Variants in POC1B observed in about 807,000 individuals in gnomAD.
The protein encoded by POC1B is POC1 centriolar protein B, also known as POC1 centriolar protein homolog B.
POC1B carries 44 observed loss-of-function variants against 60.6 expected under a neutral mutation model. The observed-to-expected ratio is 0.73, with a 90% CI of 0.57 to 0.93. POC1B has a LOEUF of 0.93. Among genes scored for constraint, POC1B ranks in the 40% least tolerant of loss-of-function variants. The probability of loss-of-function intolerance (pLI) is 0.00; values close to 1 mark genes in which losing one functional copy is unlikely to be tolerated. For synonymous variants in POC1B, 180 were observed against 198.9 expected (o/e 0.90, Z 0.80); for missense variants, 555 against 572.3 (o/e 0.97, Z 0.31).
intron 10 of POC1B, among the ~76,000 whole-genome samples, chr12:89,447,031 G>A (rs1476570272): frequency 6.6e-6 from 1 of 152,156 alleles, no homozygotes. Flanking sequence ...AATAGTCATA[G>A]CACTTTGTAG....
chr12:89,472,726 G>A (rs184628728), intron 4 of POC1B: 1 of 154,414 alleles, frequency 6.5e-6, no homozygotes, highest in East Asian at 1.9e-4. Flanking sequence ...GGAATGGTGT[G>A]TTGAGAATTA....
At position 89,471,632 on chromosome 12, in the gene POC1B, A is replaced by G; in HGVS notation, c.658T>C (p.Leu220=). Residue 220 remains leucine (L), a synonymous_variant, in exon 6 of 12, where the codon TTA becomes CTA. Transcript: ENST00000313546. ...TTGTTACCTTGGTAATGCTGTAGTA[A>G]TTTGTTCACTCTTACATCCCAGACT... The part of the protein sequence containing the change: ...VKVWDVRVNK[L]LQHYQVHSGG... 1.2e-6 allele frequency: 2 copies of G among 1,610,594 alleles called. No individual in the cohort carries two copies. Among genetic ancestry groups the G allele is most frequent in the Non-Finnish European group, 1.7e-6 (2 of 1,177,874 alleles).
At chr12:89,488,768 T>G (rs9634199) in intron 4 of POC1B, among the ~76,000 whole-genome samples, 1 of 151,996 alleles carries the variant, frequency 6.6e-6, no homozygotes, top group Non-Finnish European at 1.5e-5. Flanking sequence ...ATTACGGGCA[T>G]GAGTCACTGC....
rs368871565 is a variant in POC1B, at chr12:89,441,940, C to T, written c.1114-16561G>A. On this transcript the variant is annotated intron_variant, in intron 10 of 11. Transcript: ENST00000313546. The stretch of plus-strand genomic sequence containing the variant: ...TATGACCTGATAGAGCTGAAAACCA[C>T]GGCACGAGAACCATGTGACGCACGC... Among the ~76,000 whole-genome samples the T allele has an allele frequency of 9.2e-5, 14 of 152,302 alleles. No individual in the cohort carries two copies. The South Asian group carries it at 1.0e-3, about 11-fold the overall frequency.
At chr12:89,498,066 A>G (rs1029885429) in intron 2 of POC1B, among the ~76,000 whole-genome samples, 1 of 152,210 alleles carries the variant, frequency 6.6e-6, no homozygotes, top group Non-Finnish European at 1.5e-5. Context: ...CCCATAGCAC[A>G]GTTAGCAGCT....
chr12:89,416,668 G>A (rs76062830), downstream of POC1B, among the ~76,000 whole-genome samples: 1,053 of 152,258 alleles, frequency 6.9e-3, 16 homozygotes, highest in African/African-American at 0.025. Context: ...GTTCATTGCT[G>A]CCATGGAGGA....
chr12:89,525,488 G>A (rs1871380547), intron 1 of POC1B: 6 of 1,318,276 alleles, frequency 4.6e-6, no homozygotes, highest in Non-Finnish European at 5.8e-6. Flanking sequence ...TGAAATGCAC[G>A]TTCCCGGGCC....
intron 2 of POC1B, chr12:89,520,711 G>A (rs1381243675): frequency 6.6e-6 from 1 of 152,096 alleles, no homozygotes; most frequent in Non-Finnish European, 1.5e-5. Flanking sequence ...CTTAAATTCA[G>A]ATTTTGCAAA....
intron 4 of POC1B, among the ~76,000 whole-genome samples, chr12:89,481,265 T>C (rs1354635191): frequency 6.6e-6 from 1 of 152,236 alleles, no homozygotes; most frequent in Non-Finnish European, 1.5e-5. Flanking sequence ...ACTAACTCCT[T>C]GGACAGAATT....
At chr12:89,410,734 C>T in the POC1B span, among the ~76,000 whole-genome samples, 19 of 151,774 alleles carry the variant, frequency 1.3e-4, no homozygotes, top group African/African-American at 4.3e-4. Flanking sequence ...CCTCTCTCAC[C>T]ACTCCTATTC....
At chr12:89,494,558 G>T (rs1334511237) in intron 3 of POC1B, among the ~76,000 whole-genome samples, 3 of 152,058 alleles carry the variant, frequency 2.0e-5, no homozygotes, top group Non-Finnish European at 4.4e-5. Context: ...TCTCATCCCT[G>T]TACACGCATG....
chr12:89,449,877 A>G (rs929228370), intron 10 of POC1B, among the ~76,000 whole-genome samples: 2 of 152,218 alleles, frequency 1.3e-5, no homozygotes, highest in African/African-American at 4.8e-5. Flanking sequence ...AAGAGACACA[A>G]GTTCATATGA....
chr12:89,428,082 T>C (rs1880849964), intron 10 of POC1B: 1 of 152,230 alleles, frequency 6.6e-6, no homozygotes, highest in Non-Finnish European at 1.5e-5. Flanking sequence ...CTCATGATCA[T>C]AGTCTACATT....
At chr12:89,421,648 C>T (rs1360169638) in intron 11 of POC1B, among the ~76,000 whole-genome samples, 1 of 152,098 alleles carries the variant, frequency 6.6e-6, no homozygotes, top group Non-Finnish European at 1.5e-5. Context: ...CAGCCAGATG[C>T]CACTGAAATG....
intron 4 of POC1B, among the ~76,000 whole-genome samples, chr12:89,486,837 T>C (rs1868657603): frequency 6.6e-6 from 1 of 152,088 alleles, no homozygotes; most frequent in Non-Finnish European, 1.5e-5. Context: ...AAAGCATCTT[T>C]TTTAGGATAA....
At chr12:89,497,061 T>C (rs1869285734) in intron 3 of POC1B, 110 bp downstream of exon 3, 4 of 1,133,206 alleles carry the variant, frequency 3.5e-6, no homozygotes, top group East Asian at 2.4e-5. Flanking sequence ...ATGCCTTTTA[T>C]GTGACTGAGA....
chr12:89,507,266 CAAAAAAA>C (rs34750133), intron 2 of POC1B, among the ~76,000 whole-genome samples: 7 of 64,054 alleles, frequency 1.1e-4, no homozygotes, highest in African/African-American at 4.3e-4. Context: ...GGCCCTGTCT[CAAAAAAA>C]AAAAAAAAAA....
At chr12:89,453,030 T>C (rs1882117127) in intron 10 of POC1B, among the ~76,000 whole-genome samples, 1 of 152,196 alleles carries the variant, frequency 6.6e-6, no homozygotes, top group Non-Finnish European at 1.5e-5. Flanking sequence ...ATTTTAAAGA[T>C]TGTATCTGAA....
intron 2 of POC1B, among the ~76,000 whole-genome samples, chr12:89,507,466 C>T (rs1869961821): frequency 6.6e-6 from 1 of 152,020 alleles, no homozygotes; most frequent in African/African-American, 2.4e-5. Context: ...AAACCACACC[C>T]TATATAAACA....
Sources: allele counts gnomAD v4.1 joint callset (sites outside exome capture counted in the v4.1 genomes callset), GRCh38; gene constraint gnomAD v4.1.1; transcripts MANE v1.5; gene names NCBI Gene and HGNC (gene_info 2026-07-23, HGNC 2026-07-21).